Variants in AGBL4 observed in about 807,000 individuals in gnomAD.
AGBL4 encodes AGBL carboxypeptidase 4, also known as cytosolic carboxypeptidase 6.
AGBL4 carries 58 observed loss-of-function variants against 66.4 expected under a neutral mutation model. The observed-to-expected ratio is 0.87, with a 90% CI of 0.71 to 1.09. The LOEUF (loss-of-function observed/expected upper bound fraction) is 1.09. AGBL4 is among the 50% of genes least tolerant of loss of function. The pLI is 0.00. For synonymous variants in AGBL4, 234 were observed against 222.9 expected (o/e 1.05, Z -0.44); for missense variants, 579 against 631.0 (o/e 0.92, Z 0.88).
chr1:49,582,745 G>T (rs578253281), intron 3 of AGBL4, among the ~76,000 whole-genome samples: 1 of 152,060 alleles, frequency 6.6e-6, no homozygotes, highest in Non-Finnish European at 1.5e-5. Flanking sequence ...TGGGACTCAG[G>T]GTATGTTATC....
intron 3 of AGBL4, among the ~76,000 whole-genome samples, chr1:49,286,006 T>TTC (rs1445848148): frequency 6.6e-6 from 1 of 152,176 alleles, no homozygotes; most frequent in Non-Finnish European, 1.5e-5. Flanking sequence ...TCAAAAAGCT[T>TTC]ATCCACCATG....
chr1:49,162,574 T>A (rs1646560425), intron 4 of AGBL4, among the ~76,000 whole-genome samples: 1 of 152,230 alleles, frequency 6.6e-6, no homozygotes, highest in African/African-American at 2.4e-5. Flanking sequence ...TTCAAGTTGA[T>A]CTTTCATGAA....
intron 4 of AGBL4, among the ~76,000 whole-genome samples, chr1:49,188,192 C>A (rs1048871342): frequency 6.6e-6 from 1 of 152,074 alleles, no homozygotes; most frequent in African/African-American, 2.4e-5. Context: ...CGGGCTAATA[C>A]ACCCATTTTA....
chr1:49,206,630 C>T (rs1015339250), intron 4 of AGBL4, among the ~76,000 whole-genome samples: 1 of 151,982 alleles, frequency 6.6e-6, no homozygotes, highest in Non-Finnish European at 1.5e-5. Context: ...CTTCACCCTT[C>T]CCCCAGTGAG....
intron 1 of AGBL4, among the ~76,000 whole-genome samples, chr1:49,940,758 G>A (rs895890585): frequency 1.3e-5 from 2 of 151,896 alleles, no homozygotes; most frequent in African/African-American, 4.8e-5. Context: ...GCTAAATGAC[G>A]AGTTAATGGG....
chr1:49,500,678 C>G (rs1648067110), intron 3 of AGBL4, among the ~76,000 whole-genome samples: 1 of 151,978 alleles, frequency 6.6e-6, no homozygotes, highest in Admixed American at 6.6e-5. Context: ...TGTCAAAGAT[C>G]AGTTGACTAT....
At chr1:48,689,203 CAAAAAAAAAA>C (rs939955179) in intron 6 of AGBL4, among the ~76,000 whole-genome samples, 2 of 53,348 alleles carry the variant, frequency 3.7e-5, no homozygotes, top group Non-Finnish European at 8.3e-5. Flanking sequence ...GACCCGGTCT[CAAAAAAAAAA>C]AAAAAAAAAA....
chr1:48,751,292 C>T (rs891928722), intron 6 of AGBL4, among the ~76,000 whole-genome samples: 5 of 152,180 alleles, frequency 3.3e-5, no homozygotes, highest in African/African-American at 1.2e-4. Context: ...AAGGGTCCTG[C>T]AGTCACAGAA....
At chr1:49,416,128 C>T (rs780477729) in intron 3 of AGBL4, among the ~76,000 whole-genome samples, 1 of 151,920 alleles carries the variant, frequency 6.6e-6, no homozygotes, top group Non-Finnish European at 1.5e-5. Context: ...AAATGGTTTG[C>T]TGTTGTTTTT....
At chr1:49,729,684 C>A (rs1183347582) in intron 2 of AGBL4, among the ~76,000 whole-genome samples, 1 of 152,032 alleles carries the variant, frequency 6.6e-6, no homozygotes, top group Non-Finnish European at 1.5e-5. Flanking sequence ...GCATAACTAG[C>A]AGCAATATAT....
At chr1:49,466,286 G>A (rs1461688481) in intron 3 of AGBL4, among the ~76,000 whole-genome samples, 2 of 151,884 alleles carry the variant, frequency 1.3e-5, no homozygotes, top group East Asian at 1.9e-4. Flanking sequence ...TTCATAGGCA[G>A]TACAGAAAAC....
chr1:49,817,418 T>C (rs992964223), intron 2 of AGBL4, among the ~76,000 whole-genome samples: 5 of 152,190 alleles, frequency 3.3e-5, no homozygotes, highest in Non-Finnish European at 7.4e-5. Context: ...TGTTTATTAA[T>C]GGTTAAGAAT....
In AGBL4 at chr1:49,937,485, C is replaced by T. The variant is rs1571910116; in HGVS notation, c.35-85967G>A. 2.0e-5 allele frequency among the ~76,000 whole-genome samples: 3 copies of T among 152,182 alleles called. No individual in the cohort carries two copies. In the South Asian group the frequency reaches 6.2e-4, roughly 32 times the overall value. Reference sequence around the variant, plus strand: ...GAATTGAACTCAGCTCTGCACCAAGCAGACCTAATAGACATCTACAGAACT... The same window carrying T: ...GAATTGAACTCAGCTCTGCACCAAGTAGACCTAATAGACATCTACAGAACT... On this transcript the variant is annotated intron_variant, in intron 1 of 13. Coordinates refer to ENST00000371839, the MANE Select transcript of AGBL4 (RefSeq NM_032785.4).
chr1:48,581,250 T>C (rs1319714002), intron 11 of AGBL4, among the ~76,000 whole-genome samples: 1 of 152,210 alleles, frequency 6.6e-6, no homozygotes, highest in Non-Finnish European at 1.5e-5. Context: ...GAGGACGCAG[T>C]GCAAGGCATA....
At chr1:48,560,084 C>A (rs924570930) in intron 11 of AGBL4, among the ~76,000 whole-genome samples, 22 of 152,290 alleles carry the variant, frequency 1.4e-4, no homozygotes, top group African/African-American at 4.6e-4. Flanking sequence ...GTCCCTAGGA[C>A]CCCTATCCCC....
At position 48,903,155 on chromosome 1, in the gene AGBL4, G is replaced by T. The variant is rs1326958181; in HGVS notation, c.595-35925C>A. Reference sequence around the variant, plus strand: ...ATCAGAGCAAATATTTCTCTAATTGGAATTTGTCTGCAACTCTGATTTGGT... The same window carrying T: ...ATCAGAGCAAATATTTCTCTAATTGTAATTTGTCTGCAACTCTGATTTGGT... On this transcript the variant is annotated intron_variant, in intron 5 of 13. Coordinates refer to ENST00000371839, the MANE Select transcript of AGBL4 (RefSeq NM_032785.4). 4.6e-5 allele frequency among the ~76,000 whole-genome samples: 7 copies of T among 152,148 alleles called. No homozygotes were observed. In the East Asian group the frequency reaches 1.2e-3, roughly 25 times the overall value.
intron 3 of AGBL4, among the ~76,000 whole-genome samples, chr1:49,279,789 T>C (rs1171158728): frequency 6.6e-6 from 1 of 152,208 alleles, no homozygotes; most frequent in Non-Finnish European, 1.5e-5. Flanking sequence ...CTGCACTTAA[T>C]TATTCCTGGG....
At chr1:48,703,151 C>T (rs796912657) in intron 6 of AGBL4, among the ~76,000 whole-genome samples, 5 of 152,144 alleles carry the variant, frequency 3.3e-5, no homozygotes, top group East Asian at 1.9e-4. Flanking sequence ...GAAAGAAAAT[C>T]GAGAATGCTT....
At chr1:49,977,653 G>A (rs541732033) in intron 1 of AGBL4, among the ~76,000 whole-genome samples, 6 of 152,056 alleles carry the variant, frequency 3.9e-5, no homozygotes, top group South Asian at 2.1e-4. Context: ...ATAATACCAC[G>A]TTTTATTTCA....
Sources: allele counts gnomAD v4.1 joint callset (sites outside exome capture counted in the v4.1 genomes callset), GRCh38; gene constraint gnomAD v4.1.1; transcripts MANE v1.5; gene names NCBI Gene and HGNC (gene_info 2026-07-23, HGNC 2026-07-21).